The following PCCA variants were observed in gnomAD, a reference collection of about 807,000 sequenced individuals.
The protein encoded by PCCA is propionyl-CoA carboxylase alpha chain, mitochondrial.
In PCCA, 74 loss-of-function variants were observed where a neutral mutation model predicts 101.3. The observed-to-expected ratio is 0.73, with a 90% CI of 0.61 to 0.89. The LOEUF is 0.89. Ranked by LOEUF, PCCA falls within the 40% of genes least tolerant of loss-of-function variation. PCCA has a pLI of 0.00. For synonymous variants in PCCA, 294 were observed against 313.6 expected, an observed-to-expected ratio of 0.94 and a Z score of 0.66; for missense variants, 891 against 907.0, an observed-to-expected ratio of 0.98 and a Z score of 0.23.
chr13:100,421,982 A>G (rs12428645), intron 19 of PCCA, among the ~76,000 whole-genome samples: 64,322 of 150,672 alleles, frequency 0.43, 15,059 homozygotes, highest in East Asian at 0.65. Flanking sequence ...ACTGCACCCA[A>G]CCCATGATTT....
intron 20 of PCCA, among the ~76,000 whole-genome samples, chr13:100,426,527 A>G (rs2152895271): frequency 6.6e-6 from 1 of 152,300 alleles, no homozygotes; most frequent in Non-Finnish European, 1.5e-5. Context: ...ATAATCACAG[A>G]TTAAGACTAC....
intron 7 of PCCA, among the ~76,000 whole-genome samples, chr13:100,216,226 G>C (rs985875736): frequency 1.6e-4 from 25 of 152,142 alleles, no homozygotes; most frequent in African/African-American, 5.8e-4. Flanking sequence ...TGCTATCCTG[G>C]AGAAGAGCAA....
intron 16 of PCCA, among the ~76,000 whole-genome samples, chr13:100,321,009 G>A (rs1445701652): frequency 1.3e-5 from 2 of 151,348 alleles, no homozygotes; most frequent in African/African-American, 2.4e-5. Flanking sequence ...GCCTCCCAAA[G>A]GGCTGGGATT....
chr13:100,248,616 A>G (rs1034489476), intron 8 of PCCA, among the ~76,000 whole-genome samples: 9 of 152,112 alleles, frequency 5.9e-5, no homozygotes, highest in African/African-American at 1.9e-4. Flanking sequence ...TGTCTCTTCA[A>G]ATCTTTTGTT....
At chr13:100,402,590 G>T (rs1458096696) in intron 19 of PCCA, among the ~76,000 whole-genome samples, 1 of 152,158 alleles carries the variant, frequency 6.6e-6, no homozygotes, top group African/African-American at 2.4e-5. Context: ...TAGTTTGGAG[G>T]TGTTGAGATT....
rs35822001 is a variant in PCCA, at chr13:100,341,957, G to GTATATATATATATATATATATA, written c.1643+1702_1643+1723dup. ...TAATGTTTTGGTAGAACCCTTCAAA[G>GTATATATATATATATATATATA]TATATATATATATATATATATATAT... On this transcript the variant is annotated intron_variant, in intron 18 of 23. Transcript: ENST00000376285. 4.9e-3 allele frequency among the ~76,000 whole-genome samples: 522 copies of GTATATATATATATATATATATA among 106,944 alleles called. 23 individuals carry two copies. The highest frequency in any genetic ancestry group is 0.019 in the African/African-American group (447 of 23,232). The allele number at this position is 106,944 out of a possible 152,430, so 70.2% of individuals were successfully genotyped here. A position where few individuals can be genotyped will look rare whatever the true frequency, so the allele number is the denominator to read the frequency against.
At chr13:100,375,349 T>G (rs2075834982) in intron 19 of PCCA, among the ~76,000 whole-genome samples, 1 of 152,184 alleles carries the variant, frequency 6.6e-6, no homozygotes, top group Non-Finnish European at 1.5e-5. Flanking sequence ...TTCTGTTGAT[T>G]TGGGGTGTAG....
At chr13:100,241,201 T>C (rs2061111598) in intron 8 of PCCA, among the ~76,000 whole-genome samples, 2 of 152,206 alleles carry the variant, frequency 1.3e-5, no homozygotes, top group South Asian at 4.1e-4. Flanking sequence ...TCAGAAGATC[T>C]TCATTACTCC....
intron 22 of PCCA, among the ~76,000 whole-genome samples, chr13:100,524,359 A>C (rs2087548910): frequency 7.6e-6 from 1 of 131,816 alleles, no homozygotes; most frequent in Non-Finnish European, 1.6e-5. Context: ...AAACATGTTG[A>C]AATTCAATTA....
chr13:100,462,008 C>T (rs1348118472), intron 21 of PCCA, among the ~76,000 whole-genome samples: 1 of 152,150 alleles, frequency 6.6e-6, no homozygotes, highest in Non-Finnish European at 1.5e-5. Flanking sequence ...AGGTGGCGGT[C>T]ACAGAGCAGA....
In PCCA at chr13:100,132,546, T is replaced by A. The variant is rs914979299; in HGVS notation, c.300+20485T>A. Among the ~76,000 whole-genome samples the A allele has an allele frequency of 5.9e-5, 9 of 152,370 alleles. No homozygotes were observed. In the South Asian group the frequency reaches 8.3e-4, roughly 14 times the overall value. Reference sequence around the variant, plus strand: ...CATTGTGTGGATGCACAGGTTTTTTTAAATCCATTTACCTGTTGAAGGACA... The same window carrying A: ...CATTGTGTGGATGCACAGGTTTTTTAAAATCCATTTACCTGTTGAAGGACA... On this transcript the variant is annotated intron_variant, in intron 4 of 23. Coordinates refer to ENST00000376285, the MANE Select transcript of PCCA (RefSeq NM_000282.4).
At chr13:100,121,977 A>G (rs2049446684) in intron 4 of PCCA, among the ~76,000 whole-genome samples, 1 of 152,214 alleles carries the variant, frequency 6.6e-6, no homozygotes, top group African/African-American at 2.4e-5. Context: ...AATTTGATTT[A>G]GGCTCTGGTA....
In PCCA at chr13:100,089,313, G is replaced by C. The variant is rs1271404340; in HGVS notation, c.105+88G>C. Reference sequence around the variant, plus strand: ...GGCGGCTGGCGCCGGGAGAGCGCTGGCTGGGTCCGGCTGCCCCCGCGCCCC... The same window carrying C: ...GGCGGCTGGCGCCGGGAGAGCGCTGCCTGGGTCCGGCTGCCCCCGCGCCCC... On this transcript the variant is annotated intron_variant, in intron 1 of 23. Coordinates refer to ENST00000376285, the MANE Select transcript of PCCA (RefSeq NM_000282.4). 2.4e-5 allele frequency: 32 copies of C among 1,327,222 alleles called. No homozygotes were observed. In the East Asian group the frequency reaches 7.3e-4, roughly 30 times the overall value. 82.2% of individuals were successfully genotyped at this position (1,327,222 alleles called of 1,614,324 possible). A position where few individuals can be genotyped will look rare whatever the true frequency, so the allele number is the denominator to read the frequency against.
In PCCA at chr13:100,425,620, G is replaced by A. The variant is rs1290821112; in HGVS notation, c.1747-13G>A. The A allele has an allele frequency of 1.9e-6, 3 of 1,567,300 alleles. No individual in the cohort carries two copies. The highest frequency in any genetic ancestry group is 2.6e-6 in the Non-Finnish European group (3 of 1,137,332). On this transcript the variant is annotated splice_polypyrimidine_tract_variant and intron_variant, in intron 19 of 23. Coordinates refer to ENST00000376285, the MANE Select transcript of PCCA (RefSeq NM_000282.4). ...TTTCTTCATGGTAATGGTCTTATTTGGTGTCACAACAGGTGGAAGTTGATG... is the reference window on the plus strand; with the variant it reads ...TTTCTTCATGGTAATGGTCTTATTTAGTGTCACAACAGGTGGAAGTTGATG...
At chr13:100,514,093 G>A (rs928808184) in intron 21 of PCCA, among the ~76,000 whole-genome samples, 2 of 152,168 alleles carry the variant, frequency 1.3e-5, no homozygotes, top group African/African-American at 4.8e-5. Flanking sequence ...TGACTCAGAT[G>A]AATTTTAATA....
At chr13:100,306,828 C>CT (rs1273305380) in intron 14 of PCCA, among the ~76,000 whole-genome samples, 1 of 152,226 alleles carries the variant, frequency 6.6e-6, no homozygotes, top group African/African-American at 2.4e-5. Context: ...AGGGGCCTCA[C>CT]TGGTGGGCTC....
chr13:100,470,611 A>G (rs1428497814), intron 21 of PCCA, among the ~76,000 whole-genome samples: 1 of 152,210 alleles, frequency 6.6e-6, no homozygotes, highest in South Asian at 2.1e-4. Flanking sequence ...TGAAATACAC[A>G]TAGGAAGAAA....
chr13:100,412,810 A>G (rs1283893017), intron 19 of PCCA, among the ~76,000 whole-genome samples: 3 of 152,202 alleles, frequency 2.0e-5, no homozygotes, highest in African/African-American at 7.2e-5. Flanking sequence ...TATCAAAGAA[A>G]TTGGACAAAC....
chr13:100,421,971 C>G (rs575267461), intron 19 of PCCA, among the ~76,000 whole-genome samples: 2 of 152,220 alleles, frequency 1.3e-5, no homozygotes, highest in South Asian at 4.1e-4. Context: ...AGGCGTGAGC[C>G]ACTGCACCCA....
Sources: gnomAD v4.1 joint callset for allele counts (sites outside exome capture counted in the v4.1 genomes callset) on GRCh38, gnomAD v4.1.1 for gene constraint, MANE v1.5 for transcripts, NCBI Gene and HGNC (gene_info 2026-07-23, HGNC 2026-07-21) for gene names.